RBFOX1: variants seen among roughly 807,000 people sequenced by gnomAD.
The protein encoded by RBFOX1 is RNA binding fox-1 homolog 1, also known as RNA binding protein fox-1 homolog 1.
Under a neutral mutation model 57.7 loss-of-function variants are expected in RBFOX1, and 8 were observed. The observed-to-expected ratio is 0.14, with a 90% CI of 0.08 to 0.25. The LOEUF is 0.25. Among genes scored for constraint, RBFOX1 ranks in the 10% least tolerant of loss-of-function variants. RBFOX1 has a pLI of 1.00. For missense variants in RBFOX1, 611 were observed against 548.5 expected, an observed-to-expected ratio of 1.11 and a Z score of -1.14; for synonymous variants, 326 against 222.4, an observed-to-expected ratio of 1.47 and a Z score of -4.15.
intron 3 of RBFOX1, among the ~76,000 whole-genome samples, chr16:5,675,247 C>G (rs1309297108): frequency 6.6e-6 from 1 of 152,138 alleles, no homozygotes; most frequent in Non-Finnish European, 1.5e-5. Flanking sequence ...CACCCACCCA[C>G]ACACACATAG....
At chr16:7,340,189 G>T (rs181959896) in intron 4 of RBFOX1, among the ~76,000 whole-genome samples, 1 of 152,300 alleles carries the variant, frequency 6.6e-6, no homozygotes, top group Admixed American at 6.5e-5. Flanking sequence ...TTACCAAAAT[G>T]TGTTGGTGGA....
chr16:6,902,036 C>A (rs140678629), intron 3 of RBFOX1, among the ~76,000 whole-genome samples: 451 of 152,200 alleles, frequency 3.0e-3, no homozygotes, highest in Non-Finnish European at 4.8e-3. Flanking sequence ...TAAGGTTGCA[C>A]TTTACCTGAC....
intron 1 of RBFOX1, among the ~76,000 whole-genome samples, chr16:6,121,672 G>T (rs1268771966): frequency 6.6e-6 from 1 of 152,146 alleles, no homozygotes; most frequent in South Asian, 2.1e-4. Flanking sequence ...GTAGCATGGT[G>T]GTTAACAGGT....
At chr16:5,981,421 C>T (rs946522203) in intron 4 of RBFOX1, among the ~76,000 whole-genome samples, 2 of 152,118 alleles carry the variant, frequency 1.3e-5, no homozygotes, top group Admixed American at 6.6e-5. Flanking sequence ...GGCATGGAAA[C>T]TATTGGATTA....
chr16:6,086,045 C>A (rs1171659744), intron 1 of RBFOX1, among the ~76,000 whole-genome samples: 1 of 152,102 alleles, frequency 6.6e-6, no homozygotes, highest in Non-Finnish European at 1.5e-5. Context: ...CATTGTTCAG[C>A]TACTACTTAT....
intron 3 of RBFOX1, among the ~76,000 whole-genome samples, chr16:6,995,647 C>G (rs1322535845): frequency 2.0e-5 from 3 of 152,140 alleles, no homozygotes; most frequent in Admixed American, 6.5e-5. Flanking sequence ...GTAATCCCAG[C>G]TACTCAGAAG....
intron 3 of RBFOX1, among the ~76,000 whole-genome samples, chr16:6,816,665 G>T (rs12596751): frequency 6.6e-6 from 1 of 151,016 alleles, no homozygotes; most frequent in African/African-American, 2.4e-5. Flanking sequence ...GCGTGAACCC[G>T]GGAGGTGGAG....
At chr16:7,319,784 G>T (rs1223138967) in intron 4 of RBFOX1, among the ~76,000 whole-genome samples, 1 of 152,114 alleles carries the variant, frequency 6.6e-6, no homozygotes, top group Non-Finnish European at 1.5e-5. Context: ...GTGTGGCTTT[G>T]ACTGCCGGCC....
chr16:6,646,696 G>C (rs1568027614), intron 2 of RBFOX1, among the ~76,000 whole-genome samples: 3 of 151,926 alleles, frequency 2.0e-5, no homozygotes, highest in African/African-American at 7.3e-5. Context: ...TCCTCACCTC[G>C]TTTCTCAGTG....
intron 2 of RBFOX1, among the ~76,000 whole-genome samples, chr16:5,495,036 A>G (rs1414991381): frequency 6.6e-6 from 1 of 152,128 alleles, no homozygotes; most frequent in Non-Finnish European, 1.5e-5. Context: ...TATAAAAGAC[A>G]TACCTCAGAC....
chr16:7,292,417 A>G (rs982975771), intron 4 of RBFOX1, among the ~76,000 whole-genome samples: 12 of 142,004 alleles, frequency 8.5e-5, no homozygotes, highest in Non-Finnish European at 1.7e-4. Flanking sequence ...ATTATATTAT[A>G]TATATAAGGT....
Position 5,981,202 on chromosome 16 carries a change from G to A in RBFOX1, c.351+113867G>A, listed in dbSNP as rs184131727. Among the ~76,000 whole-genome samples the A allele has an allele frequency of 2.6e-5, 4 of 151,986 alleles. No individual in the cohort carries two copies. The East Asian group carries it at 7.7e-4, about 29-fold the overall frequency. On this transcript the variant is annotated intron_variant, in intron 4 of 19. Coordinates refer to the RBFOX1 transcript ENST00000641259. ...GATTAAATAATAGTACAGGCTCTGC[G>A]CCTTGGCAGCAGCAATGTGAAGGGT...
At chr16:5,498,209 C>T (rs2043067819) in intron 2 of RBFOX1, among the ~76,000 whole-genome samples, 3 of 152,168 alleles carry the variant, frequency 2.0e-5, no homozygotes, top group Admixed American at 1.3e-4. Context: ...ATGGCGGGAT[C>T]TCGGCCCACT....
intron 2 of RBFOX1, among the ~76,000 whole-genome samples, chr16:6,373,069 TCA>T (rs2090688953): frequency 6.6e-6 from 1 of 150,726 alleles, no homozygotes; most frequent in African/African-American, 2.4e-5. Context: ...GAAGGATAGT[TCA>T]TTGTGATCAC....
chr16:7,088,544 G>T (rs1599136161), intron 4 of RBFOX1, among the ~76,000 whole-genome samples: 6 of 150,852 alleles, frequency 4.0e-5, no homozygotes, highest in East Asian at 1.9e-4. Context: ...GTTTTTTGTT[G>T]TTTTTTTTTC....
At chr16:7,218,558 G>A (rs896980005) in intron 4 of RBFOX1, among the ~76,000 whole-genome samples, 1 of 151,750 alleles carries the variant, frequency 6.6e-6, no homozygotes, top group Non-Finnish European at 1.5e-5. Flanking sequence ...CTGAGAAAGA[G>A]GTAAAAAGTT....
At chr16:6,967,733 G>A (rs1345725443) in intron 3 of RBFOX1, among the ~76,000 whole-genome samples, 1 of 152,042 alleles carries the variant, frequency 6.6e-6, no homozygotes, top group African/African-American at 2.4e-5. Flanking sequence ...TTCTTTAATT[G>A]TTTGTGCCCA....
intron 14 of RBFOX1, among the ~76,000 whole-genome samples, chr16:7,693,649 G>A (rs1032899803): frequency 2.0e-5 from 3 of 152,096 alleles, no homozygotes; most frequent in African/African-American, 7.2e-5. Context: ...AAATCTTACA[G>A]TATAATCAGT....
At chr16:5,835,439 AG>A (rs1322829362) in intron 3 of RBFOX1, among the ~76,000 whole-genome samples, 1 of 152,212 alleles carries the variant, frequency 6.6e-6, no homozygotes, top group Admixed American at 6.5e-5. Flanking sequence ...TAATGGAGAA[AG>A]GGGGTTTTGA....
Sources: gnomAD v4.1 joint callset for allele counts (sites outside exome capture counted in the v4.1 genomes callset) on GRCh38, gnomAD v4.1.1 for gene constraint, MANE v1.5 for transcripts, NCBI Gene and HGNC (gene_info 2026-07-23, HGNC 2026-07-21) for gene names.